The following ROBO2 variants were observed in gnomAD, a reference collection of about 807,000 sequenced individuals.
ROBO2 encodes the protein roundabout guidance receptor 2, also known as roundabout homolog 2.
Under a neutral mutation model 160.8 loss-of-function variants are expected in ROBO2, and 53 were observed. The ratio of observed to expected loss-of-function variants is 0.33; its 90% CI spans 0.26 to 0.41. The LOEUF (loss-of-function observed/expected upper bound fraction) is 0.41. Ranked by LOEUF, ROBO2 falls within the 10% of genes least tolerant of loss-of-function variation. The pLI, the probability that ROBO2 is intolerant of heterozygous loss-of-function variation, is 1.00. For synonymous variants in ROBO2, 664 were observed against 611.7 expected, an observed-to-expected ratio of 1.09 and a Z score of -1.26; for missense variants, 1,577 against 1,722.4, an observed-to-expected ratio of 0.92 and a Z score of 1.49.
intron 2 of ROBO2, among the ~76,000 whole-genome samples, chr3:76,608,802 C>T (rs1182779070): frequency 6.6e-6 from 1 of 152,106 alleles, no homozygotes; most frequent in South Asian, 2.1e-4. Flanking sequence ...GTTTTTCCAG[C>T]ACCTTGTATT....
chr3:76,114,078 C>T (rs898028080), intron 2 of ROBO2, among the ~76,000 whole-genome samples: 2 of 152,206 alleles, frequency 1.3e-5, no homozygotes, highest in Non-Finnish European at 2.9e-5. Context: ...AAGCTCCTTT[C>T]CTTTTAAATT....
chr3:76,990,495 C>T (rs1166159083), intron 2 of ROBO2, among the ~76,000 whole-genome samples: 1 of 152,128 alleles, frequency 6.6e-6, no homozygotes, highest in Admixed American at 6.6e-5. Context: ...ATATAATTTG[C>T]TGCTATTCAC....
chr3:76,926,820 C>G (rs1476889876), intron 2 of ROBO2, among the ~76,000 whole-genome samples: 1 of 152,048 alleles, frequency 6.6e-6, no homozygotes, highest in Admixed American at 6.6e-5. Flanking sequence ...TGAGGACACT[C>G]TAGCTCGCAG....
chr3:76,143,166 A>G (rs1007896141), intron 2 of ROBO2, among the ~76,000 whole-genome samples: 2 of 151,980 alleles, frequency 1.3e-5, no homozygotes, highest in African/African-American at 4.8e-5. Context: ...AGCTGGGACT[A>G]TACGCATGCA....
At chr3:76,839,519 T>A (rs1221464602) in intron 2 of ROBO2, among the ~76,000 whole-genome samples, 2 of 152,192 alleles carry the variant, frequency 1.3e-5, no homozygotes, top group African/African-American at 2.4e-5. Flanking sequence ...TGAATCCCAT[T>A]TGGTCATGAT....
intron 2 of ROBO2, among the ~76,000 whole-genome samples, chr3:77,214,471 G>GA (rs2084647699): frequency 6.6e-6 from 1 of 152,030 alleles, no homozygotes. Context: ...GCCTATTTGT[G>GA]TCGCTGCACA....
At chr3:76,248,600 C>A (rs1705780573) in intron 2 of ROBO2, among the ~76,000 whole-genome samples, 1 of 151,152 alleles carries the variant, frequency 6.6e-6, no homozygotes, top group African/African-American at 2.4e-5. Flanking sequence ...ATGTAACTAA[C>A]CTGCACAATG....
intron 2 of ROBO2, among the ~76,000 whole-genome samples, chr3:76,967,427 G>A (rs143430427): frequency 4.7e-5 from 7 of 148,872 alleles, no homozygotes; most frequent in Non-Finnish European, 8.9e-5. Context: ...GGCTGGTCTC[G>A]AACTCCTGGC....
intron 2 of ROBO2, among the ~76,000 whole-genome samples, chr3:76,273,603 G>T (rs567158643): frequency 6.6e-6 from 1 of 152,208 alleles, no homozygotes; most frequent in East Asian, 1.9e-4. Flanking sequence ...AGCAAAAGTG[G>T]GGAAAGCCCC....
intron 2 of ROBO2, among the ~76,000 whole-genome samples, chr3:76,254,065 C>T (rs1706205417): frequency 6.6e-6 from 1 of 151,862 alleles, no homozygotes; most frequent in Non-Finnish European, 1.5e-5. Flanking sequence ...GTAATTATAC[C>T]AGTATATTCA....
intron 2 of ROBO2, among the ~76,000 whole-genome samples, chr3:77,184,701 G>A (rs768905751): frequency 6.6e-4 from 101 of 151,996 alleles, no homozygotes; most frequent in Non-Finnish European, 1.2e-3. Context: ...ATTGAAATAA[G>A]TTTGCTTAAC....
Position 77,229,786 on chromosome 3 carries a change from A to C in ROBO2, c.388+131446A>C, listed in dbSNP as rs997589119. ...ACCGCCATTCTCTCCCTGTGCTGCC[A>C]ATTTTTCTTCCTTCTAGGTGATATT... On this transcript the variant is annotated intron_variant, in intron 2 of 25. Transcript: ENST00000461745. Among the ~76,000 whole-genome samples the C allele has an allele frequency of 1.9e-4, 29 of 152,146 alleles. 1 individual carries two copies. Among genetic ancestry groups the C allele is most frequent in the African/African-American group, 6.3e-4 (26 of 41,518 alleles).
At position 77,612,264 on chromosome 3, in the gene ROBO2, T is replaced by A. The variant is rs79625552; in HGVS notation, c.3293+4310T>A. On this transcript the variant is annotated intron_variant, in intron 21 of 25. Coordinates refer to ENST00000461745, the Ensembl canonical transcript of ROBO2. ...AATTCTGTCACTCAAATAAGATGTATATCTGTAAAATGTGAAGGAAACTAT... is the reference window on the plus strand; with the variant it reads ...AATTCTGTCACTCAAATAAGATGTAAATCTGTAAAATGTGAAGGAAACTAT... Among the ~76,000 whole-genome samples the A allele has an allele frequency of 1.3e-4, 20 of 152,348 alleles. No homozygotes were observed. The East Asian group carries it at 3.7e-3, about 28-fold the overall frequency.
intron 2 of ROBO2, among the ~76,000 whole-genome samples, chr3:76,525,925 A>G (rs1374517609): frequency 1.3e-5 from 2 of 152,032 alleles, no homozygotes; most frequent in African/African-American, 4.8e-5. Context: ...GCAGAAACAG[A>G]CAGTGCCATT....
intron 2 of ROBO2, among the ~76,000 whole-genome samples, chr3:76,132,041 C>T (rs535337779): frequency 2.9e-4 from 44 of 152,014 alleles, no homozygotes; most frequent in Non-Finnish European, 5.4e-4. Flanking sequence ...TGGAGGATCC[C>T]CAAGATGACC....
intron 2 of ROBO2, among the ~76,000 whole-genome samples, chr3:76,506,727 A>G (rs984862299): frequency 6.6e-6 from 1 of 152,298 alleles, no homozygotes; most frequent in Non-Finnish European, 1.5e-5. Flanking sequence ...GTACCCTGGC[A>G]ACCTGAAAAC....
intron 2 of ROBO2, among the ~76,000 whole-genome samples, chr3:77,432,719 T>C (rs2078903545): frequency 6.6e-6 from 1 of 152,154 alleles, no homozygotes; most frequent in Non-Finnish European, 1.5e-5. Context: ...CACTGAATGG[T>C]CTTTAATGAC....
At chr3:76,677,799 G>A (rs2092448193) in intron 2 of ROBO2, among the ~76,000 whole-genome samples, 2 of 151,792 alleles carry the variant, frequency 1.3e-5, no homozygotes. Context: ...AAGTTACTAT[G>A]AAACATATCC....
intron 1 of ROBO2, among the ~76,000 whole-genome samples, chr3:77,081,742 T>TTAATG (rs2068681120): frequency 6.6e-6 from 1 of 152,200 alleles, no homozygotes; most frequent in Non-Finnish European, 1.5e-5. Context: ...GGCAATGTGC[T>TTAATG]TAATGTAGAA....
Sources: allele counts gnomAD v4.1 joint callset (sites outside exome capture counted in the v4.1 genomes callset), GRCh38; gene constraint gnomAD v4.1.1; transcripts MANE v1.5; gene names NCBI Gene and HGNC (gene_info 2026-07-23, HGNC 2026-07-21).